The following PPP1R1C variants were observed in gnomAD, a reference collection of about 807,000 sequenced individuals.
PPP1R1C encodes the protein protein phosphatase 1 regulatory inhibitor subunit 1C, also known as protein phosphatase 1 regulatory subunit 1C.
PPP1R1C carries 15 observed loss-of-function variants against 17.4 expected under a neutral mutation model. That is an observed-to-expected ratio of 0.86 (90% CI 0.58 to 1.33). The LOEUF (loss-of-function observed/expected upper bound fraction) is 1.33, where lower values mean the gene tolerates loss of function less well. PPP1R1C is among the 40% of genes most tolerant of loss of function. PPP1R1C has a pLI of 0.00. For synonymous variants in PPP1R1C, 35 were observed against 43.1 expected (o/e 0.81, Z 0.73); for missense variants, 143 against 130.0 (o/e 1.10, Z -0.48).
chr2:182,034,476 AAAG>A (rs1313792027), intron 2 of PPP1R1C, among the ~76,000 whole-genome samples: 3 of 152,192 alleles, frequency 2.0e-5, no homozygotes, highest in African/African-American at 4.8e-5. Context: ...TGAGGAACAA[AAAG>A]AAGGTCATTG....
At position 182,091,482 on chromosome 2, in the gene PPP1R1C, AAAT is replaced by A. The variant is rs1688778576; in HGVS notation, c.242-25719_242-25717del. Reference sequence around the variant, plus strand: ...AAGACAGCTGTTTTTCTTAAAAAAAAAATAATAAAAAAAAAAGGTAAATACACT... The same window carrying A: ...AAGACAGCTGTTTTTCTTAAAAAAAAAATAAAAAAAAAAGGTAAATACACT... On this transcript the variant is annotated intron_variant, in intron 4 of 4. Transcript: ENST00000682840. Among the ~76,000 whole-genome samples, 8 of 124,300 alleles carry A rather than the reference AAAT, an allele frequency of 6.4e-5. 1 individual carries two copies. The South Asian group carries it at 1.9e-3, about 29-fold the overall frequency. The allele number at this position is 124,300 out of a possible 152,430, so 81.5% of individuals were successfully genotyped here.
chr2:182,007,821 G>GA (rs1685966108), intron 2 of PPP1R1C, among the ~76,000 whole-genome samples: 1 of 152,216 alleles, frequency 6.6e-6, no homozygotes, highest in Admixed American at 6.5e-5. Flanking sequence ...CCAGCACTTT[G>GA]GGAGGCTGAG....
At chr2:182,117,839 T>C (rs925359994), downstream of PPP1R1C, 1 of 152,320 alleles carries the variant, frequency 6.6e-6, no homozygotes, top group East Asian at 1.9e-4. Flanking sequence ...GTTTTCTTGA[T>C]TCAATACACC....
chr2:182,043,894 A>G (rs935555578), intron 2 of PPP1R1C, among the ~76,000 whole-genome samples: 1 of 151,950 alleles, frequency 6.6e-6, no homozygotes, highest in Non-Finnish European at 1.5e-5. Context: ...CGCTTTCACT[A>G]CTGAGAGTGA....
chr2:182,114,660 G>C (rs1689529685), intron 4 of PPP1R1C, among the ~76,000 whole-genome samples: 1 of 152,128 alleles, frequency 6.6e-6, no homozygotes, highest in Non-Finnish European at 1.5e-5. Context: ...GGGAATCAAA[G>C]AATTCGTGGT....
intron 3 of PPP1R1C, among the ~76,000 whole-genome samples, chr2:182,062,476 A>C (rs1687879034): frequency 6.6e-6 from 1 of 152,116 alleles, no homozygotes; most frequent in Admixed American, 6.6e-5. Context: ...GAAACAGTAG[A>C]AGTGCCCCAG....
Position 182,099,421 on chromosome 2 carries a change from C to G in PPP1R1C, c.242-17786C>G, listed in dbSNP as rs192396489. Among the ~76,000 whole-genome samples, 39 of 152,252 alleles carry G rather than the reference C, an allele frequency of 2.6e-4. No individual in the cohort carries two copies. In the East Asian group the frequency reaches 6.7e-3, roughly 26 times the overall value. Reference sequence around the variant, plus strand: ...AATTTCCAAAGTCATCCCTCCTGCCCCCACAAGACAGGTTAGCTGTCTCAT... The same window carrying G: ...AATTTCCAAAGTCATCCCTCCTGCCGCCACAAGACAGGTTAGCTGTCTCAT... On this transcript the variant is annotated intron_variant, in intron 4 of 4. Coordinates refer to ENST00000682840, the MANE Select transcript of PPP1R1C (RefSeq NM_001080545.3).
At chr2:182,052,475 C>G (rs1332135454) in intron 2 of PPP1R1C, among the ~76,000 whole-genome samples, 1 of 152,174 alleles carries the variant, frequency 6.6e-6, no homozygotes, top group Non-Finnish European at 1.5e-5. Context: ...AAGTTTATTT[C>G]TTTTGTGTGT....
At chr2:182,121,323 A>C (rs561441692), downstream of PPP1R1C, among the ~76,000 whole-genome samples, 7 of 151,496 alleles carry the variant, frequency 4.6e-5, no homozygotes, top group East Asian at 1.4e-3. Context: ...TAAGACCTAT[A>C]AAATACTTAG....
chr2:182,081,191 A>G (rs1688464529), intron 4 of PPP1R1C, among the ~76,000 whole-genome samples: 1 of 152,230 alleles, frequency 6.6e-6, no homozygotes. Context: ...GCTATTGGGC[A>G]AATGGAGAGG....
chr2:181,993,360 G>A (rs1559048690), intron 2 of PPP1R1C, among the ~76,000 whole-genome samples: 1 of 152,002 alleles, frequency 6.6e-6, no homozygotes, highest in South Asian at 2.1e-4. Context: ...AAGTTTCTGG[G>A]GACTCTTAAA....
upstream of PPP1R1C, among the ~76,000 whole-genome samples, chr2:181,981,686 T>C (rs1685196450): frequency 6.6e-6 from 1 of 152,216 alleles, no homozygotes; most frequent in Non-Finnish European, 1.5e-5. Context: ...TTGAGATAAT[T>C]CTATGAAAGC....
intron 2 of PPP1R1C, among the ~76,000 whole-genome samples, chr2:182,045,451 A>C (rs1439604730): frequency 2.0e-5 from 3 of 152,104 alleles, no homozygotes; most frequent in Admixed American, 6.6e-5. Context: ...AAAAAAAAAA[A>C]AACTTCCATT....
At chr2:182,081,284 A>G (rs544573383) in intron 4 of PPP1R1C, among the ~76,000 whole-genome samples, 1 of 152,332 alleles carries the variant, frequency 6.6e-6, no homozygotes, top group East Asian at 1.9e-4. Context: ...GAGAAAAAGC[A>G]CACAGTAAGC....
At chr2:182,081,356 A>G (rs1373537497) in intron 4 of PPP1R1C, among the ~76,000 whole-genome samples, 3 of 152,200 alleles carry the variant, frequency 2.0e-5, no homozygotes, top group African/African-American at 7.2e-5. Context: ...TTTCCGGGTG[A>G]ATACAAATGA....
intron 3 of PPP1R1C, among the ~76,000 whole-genome samples, chr2:182,062,237 A>T (rs1279744254): frequency 6.6e-6 from 1 of 152,118 alleles, no homozygotes; most frequent in Admixed American, 6.6e-5. Context: ...ATATCACAAG[A>T]CTTTTCTGAA....
chr2:182,092,181 G>A (rs1395789479), intron 4 of PPP1R1C, among the ~76,000 whole-genome samples: 1 of 152,158 alleles, frequency 6.6e-6, no homozygotes, highest in Non-Finnish European at 1.5e-5. Flanking sequence ...TGGACTTACA[G>A]TTCCACATGG....
At chr2:182,066,717 G>A (rs1687992573) in intron 4 of PPP1R1C, among the ~76,000 whole-genome samples, 1 of 152,074 alleles carries the variant, frequency 6.6e-6, no homozygotes, top group Admixed American at 6.6e-5. Context: ...ATTATCTTGT[G>A]TAATATTGTG....
intron 2 of PPP1R1C, among the ~76,000 whole-genome samples, chr2:182,044,620 C>T (rs1038223821): frequency 2.0e-5 from 3 of 152,154 alleles, no homozygotes; most frequent in African/African-American, 7.2e-5. Context: ...CTCGCACACT[C>T]GGTGCTTCGT....
Sources: gnomAD v4.1 joint callset for allele counts (sites outside exome capture counted in the v4.1 genomes callset) on GRCh38, gnomAD v4.1.1 for gene constraint, MANE v1.5 for transcripts, NCBI Gene and HGNC (gene_info 2026-07-23, HGNC 2026-07-21) for gene names.